The following ITSN1 variants were observed in gnomAD, a reference collection of about 807,000 sequenced individuals.
ITSN1 encodes intersectin 1, also known as intersectin-1.
A neutral mutation model predicts 239.8 loss-of-function variants in ITSN1; 58 were observed. The observed-to-expected ratio is 0.24, with a 90% CI of 0.20 to 0.30. The LOEUF (loss-of-function observed/expected upper bound fraction) is 0.30, where lower values mean the gene tolerates loss of function less well. ITSN1 is among the 10% of genes least tolerant of loss of function. ITSN1 has a pLI of 1.00. For missense variants in ITSN1, 1,558 were observed against 2,103.3 expected (o/e 0.74, Z 5.07); for synonymous variants, 780 against 770.8 (o/e 1.01, Z -0.20).
intron 16 of ITSN1, among the ~76,000 whole-genome samples, chr21:33,784,655 CAATT>C (rs926810797): frequency 2.6e-5 from 4 of 152,120 alleles, no homozygotes; most frequent in African/African-American, 9.7e-5. Context: ...CCAAAACAAA[CAATT>C]AAATTGGAGA....
chr21:33,710,712 T>C lies in ITSN1; in HGVS notation c.-32-8085T>C, dbSNP rs186025478. On this transcript the variant is annotated intron_variant, in intron 1 of 39. Coordinates refer to ENST00000381318, the MANE Select transcript of ITSN1 (RefSeq NM_003024.3). Reference sequence around the variant, plus strand: ...TGGGTAGTGATCTCCTTTTTTTTTGTTTGTAAAACTTTTCATAATTTTTGT... The same window carrying C: ...TGGGTAGTGATCTCCTTTTTTTTTGCTTGTAAAACTTTTCATAATTTTTGT... Among the ~76,000 whole-genome samples, 4 of 151,978 alleles carry C rather than the reference T, an allele frequency of 2.6e-5. No individual in the cohort carries two copies. The East Asian group carries it at 7.7e-4, about 29-fold the overall frequency.
intron 1 of ITSN1, among the ~76,000 whole-genome samples, chr21:33,653,992 A>G (rs1202920656): frequency 1.3e-5 from 2 of 151,864 alleles, no homozygotes; most frequent in Non-Finnish European, 2.9e-5. Context: ...AACAGTGATG[A>G]ATGCTTGTTA....
rs959166406 is a variant in ITSN1 at position 33,856,912 on chromosome 21, G to C, written c.3783+55G>C. 7.1e-6 allele frequency: 11 copies of C among 1,548,634 alleles called. No individual in the cohort carries two copies. The African/African-American group carries it at 1.4e-4, about 19-fold the overall frequency. Reference sequence around the variant, plus strand: ...GCAGGGGGCGATGACGGAGGGAGAGGGGAGGGTTCCGTCAAGGAGGTCTAT... The same window carrying C: ...GCAGGGGGCGATGACGGAGGGAGAGCGGAGGGTTCCGTCAAGGAGGTCTAT... On this transcript the variant is annotated intron_variant, in intron 30 of 39. Transcript: ENST00000381318.
chr21:33,717,187 CTTTTTT>C (rs879597417), intron 1 of ITSN1, among the ~76,000 whole-genome samples: 1 of 141,594 alleles, frequency 7.1e-6, no homozygotes, highest in Non-Finnish European at 1.6e-5. Context: ...AGTACTCATT[CTTTTTT>C]TTTTTTTAAT....
chr21:33,702,776 A>G (rs1265463785), intron 1 of ITSN1, among the ~76,000 whole-genome samples: 3 of 152,206 alleles, frequency 2.0e-5, no homozygotes, highest in African/African-American at 7.2e-5. Flanking sequence ...GCAAAATGAC[A>G]TTTTAATAAA....
intron 16 of ITSN1, among the ~76,000 whole-genome samples, chr21:33,783,800 C>T (rs1035090795): frequency 6.6e-6 from 1 of 151,846 alleles, no homozygotes; most frequent in Non-Finnish European, 1.5e-5. Flanking sequence ...AGGCAGTAGT[C>T]CAGATTTGTG....
chr21:33,693,416 G>T (rs968408396), intron 1 of ITSN1, among the ~76,000 whole-genome samples: 3 of 152,032 alleles, frequency 2.0e-5, no homozygotes, highest in Admixed American at 1.3e-4. Context: ...GAGTGCAATG[G>T]TGTGATCTCG....
intron 1 of ITSN1, among the ~76,000 whole-genome samples, chr21:33,688,515 T>C (rs551120904): frequency 6.6e-6 from 1 of 152,342 alleles, no homozygotes; most frequent in South Asian, 2.1e-4. Flanking sequence ...GTTTGTGTGC[T>C]TTTTATGGGC....
At chr21:33,715,288 G>A (rs975400422) in intron 1 of ITSN1, among the ~76,000 whole-genome samples, 3 of 151,990 alleles carry the variant, frequency 2.0e-5, no homozygotes, top group African/African-American at 7.3e-5. Flanking sequence ...AGATTCATAT[G>A]TGAGACTATT....
chr21:33,750,405 T>A (rs2067472221), intron 6 of ITSN1, 83 bp downstream of exon 6: 1 of 1,239,224 alleles, frequency 8.1e-7, no homozygotes, highest in Non-Finnish European at 1.2e-6. Flanking sequence ...CTCTTCACGT[T>A]CTGATTATGT....
rs2073370 is a variant in ITSN1, at chr21:33,888,177, T to C, written c.5043T>C (p.Arg1681=). 921,001 of 1,613,460 alleles carry C rather than the reference T, an allele frequency of 0.57. 264,429 individuals are homozygous for C. Among genetic ancestry groups the C allele is most frequent in the East Asian group, 0.66 (29,511 of 44,838 alleles). ...ATTTTTTGGGTCGGACGGAGATCCG[T>C]GTGGCGGACATCAAGAAAGACCAGG... is the stretch of plus-strand genomic sequence containing the variant. ...PDDFLGRTEI[R]VADIKKDQGS... The change falls in exon 40 of 40, where the codon CGT becomes CGC. Residue 1681 remains arginine (R), a synonymous_variant. Transcript: ENST00000381318.
intron 27 of ITSN1, among the ~76,000 whole-genome samples, chr21:33,832,090 G>C (rs1203068628): frequency 6.6e-6 from 1 of 152,146 alleles, no homozygotes; most frequent in African/African-American, 2.4e-5. Context: ...CCCCGGTGCA[G>C]CCTCACGTCT....
At chr21:33,857,401 G>A (rs1208029608) in intron 30 of ITSN1, among the ~76,000 whole-genome samples, 1 of 152,198 alleles carries the variant, frequency 6.6e-6, no homozygotes, top group Admixed American at 6.5e-5. Flanking sequence ...TCCCAGAAGG[G>A]CCCTGGCCAC....
At chr21:33,709,247 A>G (rs924199065) in intron 1 of ITSN1, among the ~76,000 whole-genome samples, 3 of 152,154 alleles carry the variant, frequency 2.0e-5, no homozygotes, top group South Asian at 2.1e-4. Flanking sequence ...CTTTCAACCC[A>G]TGAACTTAGT....
At chr21:33,712,849 A>C (rs2146976961) in intron 1 of ITSN1, among the ~76,000 whole-genome samples, 1 of 152,356 alleles carries the variant, frequency 6.6e-6, no homozygotes, top group Admixed American at 6.5e-5. Context: ...CTGCTATAGC[A>C]GAAGCAGAAC....
Position 33,882,161 on chromosome 21 carries a change from G to C in ITSN1, c.4342-82G>C. ...TGAGATCCGAGTCTGCTGGGGCCTG[G>C]CCTCTGATTCTGATGGAGCCCATGC... On this transcript the variant is annotated intron_variant, in intron 34 of 39. Transcript: ENST00000381318. The surrounding 1 kb of genome is among the most constrained non-coding windows in gnomAD (Gnocchi z 4.5). 1 of 1,210,314 alleles carries C rather than the reference G, an allele frequency of 8.3e-7. No individual in the cohort carries two copies. The highest frequency in any genetic ancestry group is 1.2e-6 in the Non-Finnish European group (1 of 850,850). The allele number at this position is 1,210,314 out of a possible 1,614,324, so 75.0% of individuals were successfully genotyped here.
intron 8 of ITSN1, among the ~76,000 whole-genome samples, chr21:33,760,585 A>G (rs776050078): frequency 6.6e-6 from 1 of 152,304 alleles, no homozygotes; most frequent in Non-Finnish European, 1.5e-5. Context: ...TTTATCTGAA[A>G]TGAGCAAACT....
chr21:33,749,461 G>T (rs576675692), intron 5 of ITSN1, among the ~76,000 whole-genome samples: 13 of 152,080 alleles, frequency 8.5e-5, no homozygotes, highest in African/African-American at 3.1e-4. Flanking sequence ...TGGCCAACAT[G>T]GTGAAACCTC....
intron 4 of ITSN1, among the ~76,000 whole-genome samples, chr21:33,728,972 A>G (rs1273231106): frequency 1.3e-5 from 2 of 152,170 alleles, no homozygotes; most frequent in East Asian, 1.9e-4. Flanking sequence ...CTCCAGCCCA[A>G]GGGGCAGCAG....
Sources: allele counts gnomAD v4.1 joint callset (sites outside exome capture counted in the v4.1 genomes callset), GRCh38; gene constraint gnomAD v4.1.1; non-coding constraint Gnocchi (gnomAD v3.1); transcripts MANE v1.5; gene names NCBI Gene and HGNC (gene_info 2026-07-23, HGNC 2026-07-21).